Variants in ELOVL5 observed in about 807,000 individuals in gnomAD.
ELOVL5 encodes the protein ELOVL fatty acid elongase 5.
ELOVL5 carries 8 observed loss-of-function variants against 38.6 expected under a neutral mutation model. The ratio of observed to expected loss-of-function variants is 0.21; its 90% confidence interval spans 0.12 to 0.37. ELOVL5 has a LOEUF of 0.37. Among genes scored for constraint, ELOVL5 ranks in the 10% least tolerant of loss-of-function variants. The probability of loss-of-function intolerance (pLI) is 1.00; values close to 1 mark genes in which losing one functional copy is unlikely to be tolerated. For missense variants in ELOVL5, 280 were observed against 367.8 expected (o/e 0.76, Z 1.95); for synonymous variants, 127 against 133.7 (o/e 0.95, Z 0.34).
chr6:53,316,126 G>T (rs910136004), intron 1 of ELOVL5, among the ~76,000 whole-genome samples: 1 of 152,122 alleles, frequency 6.6e-6, no homozygotes, highest in Non-Finnish European at 1.5e-5. Context: ...ACCTCAATTC[G>T]TGGCAGCTAT....
intron 4 of ELOVL5, among the ~76,000 whole-genome samples, chr6:53,275,502 T>C (rs1766077009): frequency 6.6e-6 from 1 of 152,098 alleles, no homozygotes. Flanking sequence ...GGGAATATTT[T>C]TGAAAGGGTC....
intron 1 of ELOVL5, among the ~76,000 whole-genome samples, chr6:53,299,071 T>C (rs1297261427): frequency 2.0e-5 from 3 of 152,078 alleles, no homozygotes; most frequent in African/African-American, 7.2e-5. Flanking sequence ...TAAAGGAGCA[T>C]ACCTGGTGAC....
chr6:53,281,844 T>C (rs577702372), intron 3 of ELOVL5, among the ~76,000 whole-genome samples: 5 of 152,044 alleles, frequency 3.3e-5, no homozygotes, highest in East Asian at 1.9e-4. Flanking sequence ...TCCTTCTCCT[T>C]GTGAACAGGA....
intron 1 of ELOVL5, among the ~76,000 whole-genome samples, chr6:53,346,724 G>A (rs1769563365): frequency 6.6e-6 from 1 of 152,148 alleles, no homozygotes; most frequent in South Asian, 2.1e-4. Flanking sequence ...AAAGTAAACA[G>A]TTTTGCTTTG....
chr6:53,328,727 A>G (rs535072120), intron 1 of ELOVL5, among the ~76,000 whole-genome samples: 10 of 151,132 alleles, frequency 6.6e-5, no homozygotes, highest in Non-Finnish European at 1.5e-4. Flanking sequence ...AAGCCTAAAT[A>G]CTGTAATGTA....
chr6:53,292,097 G>A, intron 2 of ELOVL5, 134 bp from the exon 3 acceptor site: 2 of 525,066 alleles, frequency 3.8e-6, no homozygotes, highest in Non-Finnish European at 6.6e-6. Flanking sequence ...GCAATCAGGA[G>A]AGGAGGCATG....
intron 3 of ELOVL5, among the ~76,000 whole-genome samples, chr6:53,280,313 C>T (rs1766302804): frequency 6.6e-6 from 1 of 152,204 alleles, no homozygotes; most frequent in South Asian, 2.1e-4. Flanking sequence ...CCACTGCCAA[C>T]TCCAAGAACC....
At chr6:53,299,289 T>C (rs1309844955) in intron 1 of ELOVL5, among the ~76,000 whole-genome samples, 4 of 152,208 alleles carry the variant, frequency 2.6e-5, no homozygotes, top group Non-Finnish European at 5.9e-5. Flanking sequence ...AGGGAATCAA[T>C]CATTTCACTT....
intron 2 of ELOVL5, 54 bp from the exon 3 acceptor site, chr6:53,292,017 C>T (rs745817585): frequency 1.6e-4 from 197 of 1,217,272 alleles, no homozygotes; most frequent in Non-Finnish European, 2.0e-4. Flanking sequence ...ACTTTTCAAA[C>T]GTTGAAAAAA....
At chr6:53,279,777 T>A (rs115499723) in intron 3 of ELOVL5, among the ~76,000 whole-genome samples, 182 of 152,188 alleles carry the variant, frequency 1.2e-3, no homozygotes, top group Admixed American at 2.8e-3. Flanking sequence ...TTCTCAAATC[T>A]CCCTGGCTTC....
rs1438424785 is a variant in ELOVL5, at chr6:53,267,892, G to A, written c.*1235C>T. On this transcript the variant is annotated 3_prime_UTR_variant, in exon 8 of 8. Coordinates refer to ENST00000304434, the MANE Select transcript of ELOVL5 (RefSeq NM_021814.5). ...CCTGTTTGACCACTGCCTCAAATGTGTGAGATGTGATTTTATGATAAGCAG... is the reference window on the plus strand; with the variant it reads ...CCTGTTTGACCACTGCCTCAAATGTATGAGATGTGATTTTATGATAAGCAG... 3 of 152,202 alleles carry A rather than the reference G, an allele frequency of 2.0e-5. No homozygotes were observed. The highest frequency in any genetic ancestry group is 4.4e-5 in the Non-Finnish European group (3 of 68,030). 9.4% of individuals were successfully genotyped at this position (152,202 alleles called of 1,614,324 possible).
chr6:53,270,451 G>A (rs1252969197), intron 7 of ELOVL5, 142 bp downstream of exon 7: 3 of 828,992 alleles, frequency 3.6e-6, no homozygotes, highest in African/African-American at 3.5e-5. Context: ...CCAGAGGCAG[G>A]GGCTGCTCTT....
At chr6:53,335,722 A>G (rs1769034419) in intron 1 of ELOVL5, among the ~76,000 whole-genome samples, 1 of 152,194 alleles carries the variant, frequency 6.6e-6, no homozygotes, top group Non-Finnish European at 1.5e-5. Context: ...CAGTACTTTT[A>G]GCTGCACATG....
intron 3 of ELOVL5, among the ~76,000 whole-genome samples, chr6:53,280,607 C>T (rs969288543): frequency 2.0e-5 from 3 of 152,056 alleles, no homozygotes; most frequent in Non-Finnish European, 4.4e-5. Flanking sequence ...AATCTTTTTT[C>T]TTTGAGACAG....
chr6:53,336,713 A>G (rs1330626069), intron 1 of ELOVL5, among the ~76,000 whole-genome samples: 2 of 152,130 alleles, frequency 1.3e-5, no homozygotes, highest in Non-Finnish European at 2.9e-5. Context: ...ATCAAAGTTC[A>G]CCCTATTCCG....
At chr6:53,293,943 G>A in intron 2 of ELOVL5, 1 of 322,282 alleles carries the variant, frequency 3.1e-6, no homozygotes, top group Non-Finnish European at 4.9e-6. Flanking sequence ...GGGACTTTAA[G>A]GGGATGCTTA....
At chr6:53,275,283 T>C in intron 4 of ELOVL5, 22 bp from the exon 5 acceptor site, 1 of 1,612,134 alleles carries the variant, frequency 6.2e-7, no homozygotes, top group Non-Finnish European at 8.5e-7. Context: ...GGGTCAAAGA[T>C]TTAAGGCTTA....
intron 2 of ELOVL5, chr6:53,294,290 G>C (rs752338413): frequency 1.9e-6 from 3 of 1,565,416 alleles, no homozygotes; most frequent in East Asian, 2.4e-5. Context: ...GGTTCAGGCA[G>C]GGGCATGTGA....
At chr6:53,280,028 C>A (rs1766293832) in intron 3 of ELOVL5, among the ~76,000 whole-genome samples, 1 of 152,238 alleles carries the variant, frequency 6.6e-6, no homozygotes, top group South Asian at 2.1e-4. Flanking sequence ...AAGTCAAAGT[C>A]ACATCAGCCA....
Sources: allele counts gnomAD v4.1 joint callset (sites outside exome capture counted in the v4.1 genomes callset), GRCh38; gene constraint gnomAD v4.1.1; transcripts MANE v1.5; gene names NCBI Gene and HGNC (gene_info 2026-07-23, HGNC 2026-07-21).